DENND1C: variants seen among roughly 807,000 people sequenced by gnomAD.
DENND1C encodes the protein DENN domain containing 1C.
Under a neutral mutation model 87.9 loss-of-function variants are expected in DENND1C, and 64 were observed. That is an observed-to-expected ratio of 0.73 (90% CI 0.60 to 0.90). DENND1C has a LOEUF of 0.90. DENND1C is among the 40% of genes least tolerant of loss of function. The probability of loss-of-function intolerance (pLI) is 0.00; values close to 1 mark genes in which losing one functional copy is unlikely to be tolerated. For synonymous variants in DENND1C, 384 were observed against 424.4 expected (o/e 0.90, Z 1.17); for missense variants, 980 against 1,037.0 (o/e 0.95, Z 0.76).
At chr19:6,479,753 C>T in intron 3 of DENND1C, 35 bp from the exon 4 acceptor site, 1 of 1,613,322 alleles carries the variant, frequency 6.2e-7, no homozygotes, top group Non-Finnish European at 8.5e-7. Flanking sequence ...TGCTTGGCCA[C>T]TGAGGTCGGG....
At chr19:6,472,422 G>A (rs1038880668) in intron 15 of DENND1C, among the ~76,000 whole-genome samples, 14 of 152,180 alleles carry the variant, frequency 9.2e-5, no homozygotes, top group African/African-American at 2.6e-4. Context: ...ACGGAGTCTC[G>A]CTCTATTATC....
chr19:6,479,759 T>C (rs908134996), intron 3 of DENND1C, 41 bp from the exon 4 acceptor site: 3 of 1,613,148 alleles, frequency 1.9e-6, no homozygotes, highest in Non-Finnish European at 2.5e-6. Context: ...GCCACTGAGG[T>C]CGGGCACCAC....
intron 16 of DENND1C, 47 bp from the exon 17 acceptor site, chr19:6,471,352 TG>T (rs1157745347): frequency 6.3e-7 from 1 of 1,590,658 alleles, no homozygotes; most frequent in Middle Eastern, 1.7e-4. Context: ...TGGCTGAGGC[TG>T]GGGGTGCTGG....
In DENND1C at chr19:6,467,380, G is replaced by A. The variant is rs2092800820; in HGVS notation, c.*124C>T. The A allele has an allele frequency of 2.3e-6, 3 of 1,314,696 alleles. No individual in the cohort carries two copies. Among genetic ancestry groups the A allele is most frequent in the African/African-American group, 3.0e-5 (2 of 65,634 alleles). 81.4% of individuals were successfully genotyped at this position (1,314,696 alleles called of 1,614,324 possible). A position where few individuals can be genotyped will look rare whatever the true frequency, so the allele number is the denominator to read the frequency against. On this transcript the variant is annotated 3_prime_UTR_variant, in exon 23 of 23. Transcript: ENST00000381480. The stretch of plus-strand genomic sequence containing the variant: ...GAGAGGCTGCCCTTGGAGGGACAGA[G>A]GTGGGTGGGATGGATTTCCGAGCAG...
In DENND1C at chr19:6,478,765, G is replaced by A; in HGVS notation, c.366+18C>T. ...GGGGCTGGGACTCCCACAGGAGTGA[G>A]AGAGGGGCTGGTCTCACTTGGTCCT... is the stretch of plus-strand genomic sequence containing the variant. On this transcript the variant is annotated intron_variant, in intron 6 of 22. Coordinates refer to ENST00000381480, the MANE Select transcript of DENND1C (RefSeq NM_024898.4). The A allele has an allele frequency of 6.2e-7, 1 of 1,607,538 alleles. No individual in the cohort carries two copies. Among genetic ancestry groups the A allele is most frequent in the Non-Finnish European group, 8.5e-7 (1 of 1,177,046 alleles).
chr19:6,473,816 G>GGGGGGGGGGGGGGGGAA (rs1231177042), intron 14 of DENND1C, among the ~76,000 whole-genome samples: 4 of 131,582 alleles, frequency 3.0e-5, no homozygotes, highest in Admixed American at 8.0e-5. Flanking sequence ...GGGGGGTGGG[G>GGGGGGGGGGGGGGGGAA]GGAGGGAAAT....
intron 11 of DENND1C, 26 bp downstream of exon 11, chr19:6,475,785 CGCCCCCAGGGCCTGCCCACAGGCCCT>C: frequency 6.5e-7 from 1 of 1,531,200 alleles, no homozygotes; most frequent in Non-Finnish European, 8.8e-7. Context: ...ATGCAGGCAC[CGCCCCCAGGGCCTGCCCACAGGCCCT>C]GCCCCTCCCA....
chr19:6,480,212 C>T, intron 1 of DENND1C, 161 bp from the exon 2 acceptor site: 1 of 1,473,614 alleles, frequency 6.8e-7, no homozygotes, highest in Non-Finnish European at 9.0e-7. Context: ...TTGTGTGAGG[C>T]TGTGTGTGCA....
chr19:6,477,019 C>A, intron 9 of DENND1C, 52 bp from the exon 10 acceptor site: 1 of 1,613,396 alleles, frequency 6.2e-7, no homozygotes, highest in Non-Finnish European at 8.5e-7. Context: ...GATCTTGCAT[C>A]CCCGGTCCGG....
chr19:6,470,863 G>A (rs1205119374), intron 17 of DENND1C, among the ~76,000 whole-genome samples: 2 of 151,814 alleles, frequency 1.3e-5, no homozygotes, highest in Non-Finnish European at 2.9e-5. Context: ...CTTGTGATCC[G>A]CCCGCCTCAG....
chr19:6,481,274 C>T (rs774641427), intron 1 of DENND1C, among the ~76,000 whole-genome samples: 6 of 151,874 alleles, frequency 4.0e-5, no homozygotes, highest in Non-Finnish European at 8.8e-5. Context: ...ACCATGGGTA[C>T]CCCAGCACTT....
chr19:6,472,820 T>G, intron 15 of DENND1C, 69 bp downstream of exon 15: 1 of 1,319,222 alleles, frequency 7.6e-7, no homozygotes, highest in Non-Finnish European at 1.0e-6. Flanking sequence ...CCCTGCCAGT[T>G]CAGACAAGCC....
chr19:6,478,409 A>ATTTTTTTT (rs36008668), intron 6 of DENND1C, among the ~76,000 whole-genome samples: 3 of 136,132 alleles, frequency 2.2e-5, no homozygotes, highest in Non-Finnish European at 1.6e-5. Flanking sequence ...CGGCCGGCTA[A>ATTTTTTTT]TTTTTTTTTT....
rs200671467 is a variant in DENND1C at position 6,467,998 on chromosome 19, A to G, written c.1912T>C (p.Ser638Pro). The G allele has an allele frequency of 6.2e-7, 1 of 1,613,708 alleles. No homozygotes were observed. ...TCTGAGGGTATCAGCTGGGACCTGGAGTCCTTTGAAGAGCTGGTGGCATCC... is the reference window on the plus strand; with the variant it reads ...TCTGAGGGTATCAGCTGGGACCTGGGGTCCTTTGAAGAGCTGGTGGCATCC... ...SLDATSSSKD[S>P]RSQLIPSESD... The change falls in exon 23 of 23, where the codon TCC becomes CCC. Residue 638 changes from serine (S) to proline (P), a missense_variant. Transcript: ENST00000381480.
Position 6,475,869 on chromosome 19 carries a change from G to T in DENND1C, c.747C>A (p.Pro249=). The T allele has an allele frequency of 5.1e-6, 8 of 1,555,574 alleles. No homozygotes were observed. The highest frequency in any genetic ancestry group is 6.9e-6 in the Non-Finnish European group (8 of 1,156,246). ...YPMRWEHVLI[P]TLPPHLLDYC... ...AGTCCAGCAGGTGTGGGGGCAGCGT[G>T]GGGATCAGCACGTGCTCCCAGCGCA... is the stretch of plus-strand genomic sequence containing the variant. The change falls in exon 11 of 23, where the codon CCC becomes CCA. Residue 249 remains proline, a synonymous_variant. Coordinates refer to ENST00000381480, the MANE Select transcript of DENND1C (RefSeq NM_024898.4).
At chr19:6,477,612 A>AATAT (rs2092870533) in intron 6 of DENND1C, 154 bp from the exon 7 acceptor site, 2 of 230,800 alleles carry the variant, frequency 8.7e-6, no homozygotes, top group African/African-American at 4.8e-5. Flanking sequence ...GAAATTAATA[A>AATAT]TAATAATAAT....
chr19:6,468,798 A>C, intron 20 of DENND1C, 48 bp downstream of exon 20: 1 of 1,471,494 alleles, frequency 6.8e-7, no homozygotes, highest in Non-Finnish European at 9.0e-7. Context: ...TGGGTAGAGG[A>C]TTCAGTGATA....
At chr19:6,478,671 G>A (rs2092877577) in intron 6 of DENND1C, 112 bp downstream of exon 6, 3 of 1,258,110 alleles carry the variant, frequency 2.4e-6, no homozygotes, top group South Asian at 2.7e-5. Context: ...GGGACTACAG[G>A]TGTGACACAG....
chr19:6,475,951 G>T lies in DENND1C; in HGVS notation c.679-14C>A. On this transcript the variant is annotated splice_polypyrimidine_tract_variant and intron_variant, in intron 10 of 22. Transcript: ENST00000381480. Reference sequence around the variant, plus strand: ...GCACGAGGTCAGCTGGGGAGCGATGGCGGGGCGTGGAGTCAGGGCCTGGAC... The same window carrying T: ...GCACGAGGTCAGCTGGGGAGCGATGTCGGGGCGTGGAGTCAGGGCCTGGAC... 6.5e-7 allele frequency: 1 copy of T among 1,545,656 alleles called. No individual in the cohort carries two copies. The highest frequency in any genetic ancestry group is 2.3e-5 in the East Asian group (1 of 42,588).
Sources: allele counts gnomAD v4.1 joint callset (sites outside exome capture counted in the v4.1 genomes callset), GRCh38; gene constraint gnomAD v4.1.1; transcripts MANE v1.5; gene names NCBI Gene and HGNC (gene_info 2026-07-23, HGNC 2026-07-21).